SCAPER: variants seen among roughly 807,000 people sequenced by gnomAD.
SCAPER encodes the protein S-phase cyclin A associated protein in the ER, also known as S phase cyclin A-associated protein in the endoplasmic reticulum.
Under a neutral mutation model 182.2 loss-of-function variants are expected in SCAPER, and 98 were observed. The ratio of observed to expected loss-of-function variants is 0.54; its 90% confidence interval spans 0.46 to 0.64. The LOEUF (loss-of-function observed/expected upper bound fraction) is 0.64. Ranked by LOEUF, SCAPER falls within the 30% of genes least tolerant of loss-of-function variation. The pLI, the probability that SCAPER is intolerant of heterozygous loss-of-function variation, is 0.00. For missense variants in SCAPER, 1,432 were observed against 1,690.0 expected (o/e 0.85, Z 2.68); for synonymous variants, 605 against 564.6 (o/e 1.07, Z -1.01).
intron 27 of SCAPER, among the ~76,000 whole-genome samples, chr15:76,403,017 A>G (rs2044575949): frequency 6.6e-6 from 1 of 152,202 alleles, no homozygotes; most frequent in East Asian, 1.9e-4. Flanking sequence ...TGTGATATTG[A>G]TCTGGATTCG....
At chr15:76,471,121 G>C in intron 25 of SCAPER, 91 bp downstream of exon 25, 1 of 930,528 alleles carries the variant, frequency 1.1e-6, no homozygotes, top group Non-Finnish European at 1.4e-6. Flanking sequence ...TTCATCTGGA[G>C]AGTAACTAAG....
At chr15:76,383,088 G>A (rs1275204917) in intron 27 of SCAPER, among the ~76,000 whole-genome samples, 2 of 3,580 alleles carry the variant, frequency 5.6e-4, no homozygotes, top group African/African-American at 6.6e-4. Flanking sequence ...GTGTATAGGT[G>A]TGTGTGTGTG....
intron 24 of SCAPER, among the ~76,000 whole-genome samples, chr15:76,503,855 G>T (rs2041351632): frequency 6.6e-6 from 1 of 151,372 alleles, no homozygotes; most frequent in South Asian, 2.1e-4. Context: ...TTTTTTTCCT[G>T]TTGTATCCAA....
chr15:76,718,924 A>G (rs1430458543), intron 17 of SCAPER, among the ~76,000 whole-genome samples: 1 of 152,126 alleles, frequency 6.6e-6, no homozygotes, highest in African/African-American at 2.4e-5. Flanking sequence ...GGTATGGAGA[A>G]AAGGGAACTC....
At chr15:76,767,513 G>C in intron 10 of SCAPER, among the ~76,000 whole-genome samples, 1 of 152,024 alleles carries the variant, frequency 6.6e-6, no homozygotes, top group South Asian at 2.1e-4. Flanking sequence ...GATGCTTTCT[G>C]AACATACATA....
At chr15:76,798,466 A>G (rs933538713) in intron 7 of SCAPER, among the ~76,000 whole-genome samples, 2 of 152,066 alleles carry the variant, frequency 1.3e-5, no homozygotes, top group Non-Finnish European at 2.9e-5. Flanking sequence ...CAAAGGAGAG[A>G]AGAGAGAGAA....
intron 24 of SCAPER, among the ~76,000 whole-genome samples, chr15:76,483,955 C>G (rs763918085): frequency 1.1e-4 from 17 of 152,128 alleles, no homozygotes; most frequent in Non-Finnish European, 2.4e-4. Context: ...TAAAGCTAAA[C>G]ATAGTCATCA....
intron 21 of SCAPER, among the ~76,000 whole-genome samples, chr15:76,664,331 T>C (rs2056414297): frequency 6.6e-6 from 1 of 152,178 alleles, no homozygotes; most frequent in African/African-American, 2.4e-5. Context: ...AAATTCTGAA[T>C]ATATTTTTAA....
intron 5 of SCAPER, among the ~76,000 whole-genome samples, chr15:76,831,426 T>C (rs999772120): frequency 3.3e-5 from 5 of 151,128 alleles, no homozygotes; most frequent in African/African-American, 1.2e-4. Flanking sequence ...GACAGGACCC[T>C]GCCGGCACAC....
chr15:76,664,579 A>G (rs1412296554), intron 21 of SCAPER, among the ~76,000 whole-genome samples: 1 of 152,156 alleles, frequency 6.6e-6, no homozygotes, highest in Non-Finnish European at 1.5e-5. Flanking sequence ...AAGTAGAGGT[A>G]TTTATAGCCG....
chr15:76,879,182 C>G (rs1466481826), intron 2 of SCAPER, among the ~76,000 whole-genome samples: 1 of 152,192 alleles, frequency 6.6e-6, no homozygotes, highest in African/African-American at 2.4e-5. Flanking sequence ...CATCCTAATT[C>G]AGGACATTTA....
At chr15:76,467,668 T>C (rs1429501872) in intron 25 of SCAPER, among the ~76,000 whole-genome samples, 1 of 152,174 alleles carries the variant, frequency 6.6e-6, no homozygotes, top group Non-Finnish European at 1.5e-5. Flanking sequence ...CTCTACTAGG[T>C]TGTCTGAGCT....
At chr15:76,825,170 G>A (rs1190825173) in intron 5 of SCAPER, among the ~76,000 whole-genome samples, 1 of 152,128 alleles carries the variant, frequency 6.6e-6, no homozygotes, top group Non-Finnish European at 1.5e-5. Context: ...CCAATTATAT[G>A]CTTTTATTCA....
chr15:76,708,108 T>TA (rs919240803), intron 17 of SCAPER, among the ~76,000 whole-genome samples: 3 of 152,208 alleles, frequency 2.0e-5, no homozygotes, highest in African/African-American at 2.4e-5. Flanking sequence ...AAATCCCTTA[T>TA]AAAAAAATGG....
chr15:76,728,517 T>A, intron 17 of SCAPER, 78 bp downstream of exon 17: 8 of 1,581,268 alleles, frequency 5.1e-6, no homozygotes, highest in Middle Eastern at 1.7e-4. Flanking sequence ...AAACTCTACA[T>A]GACAGTAAAT....
At chr15:76,675,498 T>C (rs1320450700) in intron 20 of SCAPER, among the ~76,000 whole-genome samples, 1 of 152,200 alleles carries the variant, frequency 6.6e-6, no homozygotes, top group Non-Finnish European at 1.5e-5. Context: ...TTCTCTTATG[T>C]CTGAGGCTAT....
intron 24 of SCAPER, among the ~76,000 whole-genome samples, chr15:76,486,181 T>C (rs2051632198): frequency 6.6e-6 from 1 of 152,066 alleles, no homozygotes; most frequent in Admixed American, 6.6e-5. Flanking sequence ...CACTCCAGCC[T>C]GGGCGACAGA....
intron 23 of SCAPER, among the ~76,000 whole-genome samples, chr15:76,505,270 C>A (rs2041475762): frequency 6.6e-6 from 1 of 152,094 alleles, no homozygotes; most frequent in Non-Finnish European, 1.5e-5. Context: ...TAAAAAGCTT[C>A]TGCACAGCAA....
rs115964533 is a variant in SCAPER at position 76,647,808 on chromosome 15, T to C, written c.2645+17845A>G. Among the ~76,000 whole-genome samples the C allele has an allele frequency of 5.4e-3, 823 of 152,332 alleles. 6 individuals are homozygous for C. Among genetic ancestry groups the C allele is most frequent in the African/African-American group, 0.019 (794 of 41,570 alleles). ...CAGCTGTCATATTTGAGGATACTCA[T>C]TGAACATCCTAGTCATTCTGTAGAG... On this transcript the variant is annotated intron_variant, in intron 21 of 31. Coordinates refer to ENST00000563290, the MANE Select transcript of SCAPER (RefSeq NM_020843.4).
Sources: allele counts gnomAD v4.1 joint callset (sites outside exome capture counted in the v4.1 genomes callset), GRCh38; gene constraint gnomAD v4.1.1; transcripts MANE v1.5; gene names NCBI Gene and HGNC (gene_info 2026-07-23, HGNC 2026-07-21).